The following URGCP variants were observed in gnomAD, a reference collection of about 807,000 sequenced individuals.
URGCP encodes upregulator of cell proliferation.
URGCP carries 13 observed loss-of-function variants against 24.6 expected under a neutral mutation model. The observed-to-expected ratio is 0.53, with a 90% CI of 0.34 to 0.84. URGCP has a LOEUF of 0.84. Ranked by LOEUF, URGCP falls within the 40% of genes least tolerant of loss-of-function variation. The pLI, the probability that URGCP is intolerant of heterozygous loss-of-function variation, is 0.01. For missense variants in URGCP, 899 were observed against 1,194.3 expected, an observed-to-expected ratio of 0.75 and a Z score of 3.64; for synonymous variants, 444 against 487.2, an observed-to-expected ratio of 0.91 and a Z score of 1.17.
At chr7:43,919,216 AC>A in intron 1 of URGCP, 2 of 883,638 alleles carry the variant, frequency 2.3e-6, no homozygotes, top group Non-Finnish European at 3.9e-6. Context: ...GTGTTTCCCA[AC>A]CAGGACAAGA....
At chr7:43,903,246 T>C (rs1031796963) in intron 1 of URGCP, among the ~76,000 whole-genome samples, 1 of 152,192 alleles carries the variant, frequency 6.6e-6, no homozygotes, top group African/African-American at 2.4e-5. Context: ...TTTCAAGGCA[T>C]ATTGTTGGGC....
intron 1 of URGCP, among the ~76,000 whole-genome samples, chr7:43,894,596 G>A (rs2095875678): frequency 6.6e-6 from 1 of 152,056 alleles, no homozygotes; most frequent in South Asian, 2.1e-4. Context: ...CTGGACTCAA[G>A]CAATCTACCT....
At chr7:43,881,236 T>C (rs2132653788) in intron 5 of URGCP, 1 of 702,904 alleles carries the variant, frequency 1.4e-6, no homozygotes, top group Non-Finnish European at 2.6e-6. Context: ...TGTGTGGCCC[T>C]TGGCAGGTTG....
At chr7:43,918,309 TTCCTTTCCCTTC>T (rs921741467) in intron 1 of URGCP, among the ~76,000 whole-genome samples, 8 of 151,686 alleles carry the variant, frequency 5.3e-5, no homozygotes, top group African/African-American at 1.2e-4. Flanking sequence ...TCCTTTCCCT[TTCCTTTCCCTTC>T]TCCTTTCCCT....
chr7:43,890,829 G>C (rs1270421315), intron 1 of URGCP, among the ~76,000 whole-genome samples: 1 of 152,262 alleles, frequency 6.6e-6, no homozygotes, highest in Non-Finnish European at 1.5e-5. Flanking sequence ...GGGCAGCCAT[G>C]CCATAAATGG....
intron 5 of URGCP, chr7:43,879,785 C>T (rs574786070): frequency 6.6e-6 from 1 of 152,502 alleles, no homozygotes. Flanking sequence ...TTTTTTTTCT[C>T]TCTAGAAATA....
rs1172523179 is a variant in URGCP at position 43,879,252 on chromosome 7, T to C, written c.211A>G (p.Ser71Gly). 1.2e-6 allele frequency: 2 copies of C among 1,607,910 alleles called. No individual in the cohort carries two copies. The highest frequency in any genetic ancestry group is 1.7e-6 in the Non-Finnish European group (2 of 1,178,210). ...QDNDFPTVER[S>G]RLQEMLSLLG... is the part of the protein sequence containing the mutation. The stretch of plus-strand genomic sequence containing the variant: ...AGTGACAGCATTTCTTGAAGCCTGC[T>C]TCTCTCCACTGTGGAAAGAAATGAA... Residue 71 changes from serine (S) to glycine (G), a missense_variant, in exon 6 of 6, where the codon AGC (serine) becomes GGC (glycine). Transcript: ENST00000453200.
intron 1 of URGCP, among the ~76,000 whole-genome samples, chr7:43,915,608 C>T (rs532002425): frequency 1.7e-3 from 256 of 152,328 alleles, no homozygotes; most frequent in African/African-American, 5.9e-3. Context: ...GGCCCAAGGG[C>T]CCCATGCAGC....
chr7:43,881,055 T>A, intron 5 of URGCP: 1 of 633,774 alleles, frequency 1.6e-6, no homozygotes, highest in Non-Finnish European at 2.8e-6. Flanking sequence ...AAGTACTATA[T>A]GGGAAGAGTC....
chr7:43,922,704 T>C (rs1585843330), intron 1 of URGCP, among the ~76,000 whole-genome samples: 1 of 152,262 alleles, frequency 6.6e-6, no homozygotes, highest in East Asian at 1.9e-4. Flanking sequence ...CATGCTCTAC[T>C]AATTCTTAAA....
intron 1 of URGCP, among the ~76,000 whole-genome samples, chr7:43,890,579 A>C (rs1467696458): frequency 6.6e-6 from 1 of 152,190 alleles, no homozygotes; most frequent in Non-Finnish European, 1.5e-5. Context: ...GAACACAGGA[A>C]ATAGCCAAGG....
intron 1 of URGCP, among the ~76,000 whole-genome samples, chr7:43,925,490 T>TTTTTTA (rs951816173): frequency 6.6e-6 from 1 of 152,122 alleles, no homozygotes; most frequent in Non-Finnish European, 1.5e-5. Flanking sequence ...TTTATTCTGT[T>TTTTTTA]TTTTTATTTT....
chr7:43,910,003 A>G (rs1050790697), upstream of URGCP, among the ~76,000 whole-genome samples: 16 of 152,224 alleles, frequency 1.1e-4, no homozygotes, highest in African/African-American at 3.4e-4. Flanking sequence ...AGATCGTGCC[A>G]TTGCACTCCA....
chr7:43,892,075 C>T (rs1164569715), intron 1 of URGCP, among the ~76,000 whole-genome samples: 1 of 151,594 alleles, frequency 6.6e-6, no homozygotes, highest in Non-Finnish European at 1.5e-5. Flanking sequence ...GCCACTATTG[C>T]CCAGCCTATT....
upstream of URGCP, among the ~76,000 whole-genome samples, chr7:43,907,312 A>G (rs1181514366): frequency 6.6e-6 from 1 of 152,134 alleles, no homozygotes; most frequent in East Asian, 1.9e-4. Context: ...AATGTAAACC[A>G]TTGTTGATAA....
intron 1 of URGCP, among the ~76,000 whole-genome samples, chr7:43,903,159 G>A (rs1220015688): frequency 6.6e-6 from 1 of 150,802 alleles, no homozygotes; most frequent in Non-Finnish European, 1.5e-5. Flanking sequence ...AAGAGAAAGA[G>A]AGAAAAAAAA....
chr7:43,891,426 G>C (rs2095870459), intron 1 of URGCP, among the ~76,000 whole-genome samples: 1 of 152,180 alleles, frequency 6.6e-6, no homozygotes, highest in Admixed American at 6.5e-5. Flanking sequence ...GAAAAGCAAA[G>C]AGAAAGCACA....
At chr7:43,882,998 C>T (rs1027276708) in intron 3 of URGCP, among the ~76,000 whole-genome samples, 1 of 152,016 alleles carries the variant, frequency 6.6e-6, no homozygotes, top group Non-Finnish European at 1.5e-5. Flanking sequence ...AGCACAAATA[C>T]ACAGAGGTGA....
In URGCP at chr7:43,876,918, C is replaced by T; in HGVS notation, c.2545G>A (p.Ala849Thr). 6.2e-7 allele frequency: 1 copy of T among 1,614,040 alleles called. No individual in the cohort carries two copies. The highest frequency in any genetic ancestry group is 8.5e-7 in the Non-Finnish European group (1 of 1,180,012). ...LDPPGDLSRA[A>T]AQMEKQGDGF... ...TCGCCCTGTTTCTCCATCTGGGCTG[C>T]AGCCCTGCTCAGGTCACCAGGTGGA... Residue 849 changes from alanine to threonine, a missense_variant, in exon 6 of 6, where the codon GCA (alanine) becomes ACA (threonine). Coordinates refer to ENST00000453200, the MANE Select transcript of URGCP (RefSeq NM_001077663.3).
Sources: gnomAD v4.1 joint callset for allele counts (sites outside exome capture counted in the v4.1 genomes callset) on GRCh38, gnomAD v4.1.1 for gene constraint, MANE v1.5 for transcripts, NCBI Gene and HGNC (gene_info 2026-07-23, HGNC 2026-07-21) for gene names.